The following PLCB4 variants were observed in gnomAD, a reference collection of about 807,000 sequenced individuals.
PLCB4 encodes 1-phosphatidylinositol 4,5-bisphosphate phosphodiesterase beta-4.
Under a neutral mutation model 178.8 loss-of-function variants are expected in PLCB4, and 77 were observed. That is an observed-to-expected ratio of 0.43 (90% confidence interval 0.36 to 0.52). The LOEUF is 0.52. Ranked by LOEUF, PLCB4 falls within the 20% of genes least tolerant of loss-of-function variation. PLCB4 has a pLI of 0.00. For missense variants in PLCB4, 1,024 were observed against 1,453.4 expected (o/e 0.70, Z 4.80); for synonymous variants, 496 against 490.8 (o/e 1.01, Z -0.14).
In PLCB4 at chr20:9,167,598, T is replaced by C. The variant is rs184752770; in HGVS notation, c.-78-49792T>C. 1.0e-3 allele frequency among the ~76,000 whole-genome samples: 158 copies of C among 152,318 alleles called. 1 individual carries two copies. The highest frequency in any genetic ancestry group is 3.8e-3 in the African/African-American group (156 of 41,574). ...AATGAGCCATTATGTAAAATTCCTT[T>C]CTGAAATCAGAGAGTAAAAATTAAC... On this transcript the variant is annotated intron_variant, in intron 2 of 39. Coordinates refer to ENST00000378473, the MANE Select transcript of PLCB4 (RefSeq NM_001377142.1).
chr20:9,277,399 C>G (rs2094459467), intron 3 of PLCB4, among the ~76,000 whole-genome samples: 1 of 151,962 alleles, frequency 6.6e-6, no homozygotes, highest in African/African-American at 2.4e-5. Context: ...TTGTTTCTTT[C>G]CCTGAGAACA....
intron 21 of PLCB4, among the ~76,000 whole-genome samples, chr20:9,406,775 G>A (rs1346638516): frequency 7.9e-5 from 12 of 152,128 alleles, no homozygotes; most frequent in Admixed American, 5.9e-4. Flanking sequence ...GATTACAGGC[G>A]TGAGCCACTG....
At chr20:9,478,270 C>T (rs2044685248) in intron 39 of PLCB4, among the ~76,000 whole-genome samples, 1 of 152,126 alleles carries the variant, frequency 6.6e-6, no homozygotes, top group African/African-American at 2.4e-5. Flanking sequence ...CCATTGCTTA[C>T]TTCCTGGTAG....
At position 9,337,230 on chromosome 20, in the gene PLCB4, G is replaced by T. The variant is rs754310359; in HGVS notation, c.165+24G>T. 6.4e-6 allele frequency: 10 copies of T among 1,553,118 alleles called. No individual in the cohort carries two copies. In the Admixed American group the frequency reaches 1.7e-4, roughly 26 times the overall value. The stretch of plus-strand genomic sequence containing the variant: ...AGGTATGGCCCAAGAAGAGCAAGTT[G>T]TTCTTTCTGCTTTGTGGTTTAAGCC... On this transcript the variant is annotated intron_variant, in intron 5 of 39. Transcript: ENST00000378473.
intron 1 of PLCB4, among the ~76,000 whole-genome samples, chr20:9,088,446 G>C (rs978445374): frequency 6.6e-6 from 1 of 152,094 alleles, no homozygotes; most frequent in Non-Finnish European, 1.5e-5. Flanking sequence ...GAGATCACTG[G>C]CTTAATAGTA....
rs185173074 is a variant in PLCB4 at position 9,260,757 on chromosome 20, G to C, written c.-16+43305G>C. Among the ~76,000 whole-genome samples the C allele has an allele frequency of 2.6e-3, 390 of 152,062 alleles. 2 individuals are homozygous for C. Among genetic ancestry groups the C allele is most frequent in the Middle Eastern group, 0.024 (7 of 292 alleles). On this transcript the variant is annotated intron_variant, in intron 3 of 39. Transcript: ENST00000378473. The stretch of plus-strand genomic sequence containing the variant: ...TTTATAAATTTTCAGAGAGAGAGAT[G>C]ATCATAGAATTATGATTTTATTTAC...
At chr20:9,216,236 G>T (rs2147266879) in intron 2 of PLCB4, among the ~76,000 whole-genome samples, 1 of 151,056 alleles carries the variant, frequency 6.6e-6, no homozygotes, top group African/African-American at 2.4e-5. Flanking sequence ...TTGTTTTTGT[G>T]AGATGGAGTC....
intron 4 of PLCB4, among the ~76,000 whole-genome samples, chr20:9,317,927 T>C (rs2094917861): frequency 2.0e-5 from 3 of 152,080 alleles, no homozygotes. Context: ...GGTGAAACCC[T>C]GCCTTTACTA....
intron 3 of PLCB4, among the ~76,000 whole-genome samples, chr20:9,307,142 C>T (rs1054222963): frequency 6.6e-6 from 1 of 152,058 alleles, no homozygotes; most frequent in African/African-American, 2.4e-5. Flanking sequence ...GTGAACACCC[C>T]GAGGCCCCAC....
intron 4 of PLCB4, among the ~76,000 whole-genome samples, chr20:9,320,518 C>A (rs1211193488): frequency 2.6e-5 from 4 of 152,150 alleles, no homozygotes; most frequent in Admixed American, 6.5e-5. Context: ...GAATGCCTAA[C>A]CTCCTGGGAA....
At chr20:9,330,593 T>C (rs377533183) in intron 4 of PLCB4, among the ~76,000 whole-genome samples, 2 of 152,350 alleles carry the variant, frequency 1.3e-5, no homozygotes, top group South Asian at 2.1e-4. Context: ...TTGAATAATT[T>C]AGTCTCCTCT....
intron 34 of PLCB4, among the ~76,000 whole-genome samples, chr20:9,458,311 A>G (rs2043181532): frequency 6.6e-6 from 1 of 152,188 alleles, no homozygotes; most frequent in Non-Finnish European, 1.5e-5. Context: ...ATGTGTCTTT[A>G]AGAGTTATTC....
intron 2 of PLCB4, among the ~76,000 whole-genome samples, chr20:9,136,601 G>C (rs1407313131): frequency 6.6e-6 from 1 of 152,052 alleles, no homozygotes; most frequent in Admixed American, 6.6e-5. Context: ...GTTGATAACT[G>C]AATCAGTGGG....
At chr20:9,412,357 T>G (rs966689942) in intron 25 of PLCB4, among the ~76,000 whole-genome samples, 18 of 152,110 alleles carry the variant, frequency 1.2e-4, no homozygotes, top group African/African-American at 4.1e-4. Flanking sequence ...AAGATCAGGG[T>G]TTGAGCTCAG....
At chr20:9,216,191 T>C (rs1336505826) in intron 2 of PLCB4, among the ~76,000 whole-genome samples, 1 of 152,206 alleles carries the variant, frequency 6.6e-6, no homozygotes, top group Non-Finnish European at 1.5e-5. Flanking sequence ...TACTTCTTTT[T>C]TTTTTTGAGA....
Position 9,437,125 on chromosome 20 carries a change from C to G in PLCB4, c.2737C>G (p.Leu913Val). 6.2e-7 allele frequency: 1 copy of G among 1,614,086 alleles called. No homozygotes were observed. Among genetic ancestry groups the G allele is most frequent in the South Asian group, 1.1e-5 (1 of 91,078 alleles). Residue 913 changes from leucine (L) to valine (V), a missense_variant, in exon 30 of 40, where the codon CTG becomes GTG. Around this residue, in one of 7 missense-constraint regions of PLCB4, gnomAD observed 227 missense variants for 374.3 expected, o/e 0.61. Transcript: ENST00000378473. ...SELRPTTTAA[L>V]ASGVEAKKGI... ...GCTCAGACCAACCACCACGGCTGCC[C>G]TGGCCTCTGGTGTGGAAGCCAAGAA...
intron 4 of PLCB4, among the ~76,000 whole-genome samples, chr20:9,332,720 A>G (rs1226539933): frequency 6.6e-6 from 1 of 151,688 alleles, no homozygotes; most frequent in African/African-American, 2.4e-5. Flanking sequence ...GTTGCTGGGG[A>G]GCCCAGAGCC....
rs186199616 is a variant in PLCB4, at chr20:9,480,719, A to T, written c.*1710A>T. On this transcript the variant is annotated 3_prime_UTR_variant, in exon 40 of 40. Transcript: ENST00000378473. ...TCTTGTTCTTAGTTTCCTTATCTGT[A>T]AAACAGTGGAGTTAGACTACATATC... 5 of 152,304 alleles carry T rather than the reference A, an allele frequency of 3.3e-5. No individual in the cohort carries two copies. The East Asian group carries it at 9.6e-4, about 29-fold the overall frequency. The allele number at this position is 152,304 out of a possible 1,614,324, so 9.4% of individuals were successfully genotyped here.
At chr20:9,473,155 A>G (rs1040466779) in intron 37 of PLCB4, 124 bp from the exon 38 acceptor site, 18 of 594,018 alleles carry the variant, frequency 3.0e-5, no homozygotes, top group African/African-American at 9.6e-5. Context: ...AAATTTTGAG[A>G]TGATTTTTTA....
Sources: allele counts gnomAD v4.1 joint callset (sites outside exome capture counted in the v4.1 genomes callset), GRCh38; gene constraint gnomAD v4.1.1; regional missense constraint gnomAD v4.1.1; transcripts MANE v1.5; gene names NCBI Gene and HGNC (gene_info 2026-07-23, HGNC 2026-07-21).